The following CES2 variants were observed in gnomAD, a reference collection of about 807,000 sequenced individuals.
CES2 encodes carboxylesterase 2, also known as cocaine esterase.
In CES2, 42 loss-of-function variants were observed where a neutral mutation model predicts 52.1. The observed-to-expected ratio is 0.81, with a 90% confidence interval of 0.63 to 1.04. The LOEUF (loss-of-function observed/expected upper bound fraction) is 1.04. CES2 is among the 50% of genes least tolerant of loss of function. The pLI, the probability that CES2 is intolerant of heterozygous loss-of-function variation, is 0.00. For synonymous variants in CES2, 277 were observed against 289.6 expected (o/e 0.96, Z 0.44); for missense variants, 656 against 724.3 (o/e 0.91, Z 1.08).
In CES2 at chr16:66,939,413, G is replaced by A. The variant is rs370987853; in HGVS notation, c.423+55G>A. 1.5e-3 allele frequency: 2,358 copies of A among 1,588,286 alleles called. 52 individuals are homozygous for A. The South Asian group carries it at 0.024, about 16-fold the overall frequency. Reference sequence around the variant, plus strand: ...TTGGAGGACAGTTCTTCTGCAAGAAGCTGAAAAGGACAATATTAGCTCAGG... The same window carrying A: ...TTGGAGGACAGTTCTTCTGCAAGAAACTGAAAAGGACAATATTAGCTCAGG... On this transcript the variant is annotated intron_variant, in intron 3 of 11. Coordinates refer to ENST00000317091, the MANE Select transcript of CES2 (RefSeq NM_001365405.1).
At position 66,943,420 on chromosome 16, in the gene CES2, C is replaced by T. The variant is rs2145511006; in HGVS notation, c.1493+49C>T. ...AACCTCCCCGATTGGGGGACTTGTG[C>T]CCATCCAGTGCTCTCCTAGTCTGGG... On this transcript the variant is annotated intron_variant, in intron 11 of 11. Coordinates refer to ENST00000317091, the MANE Select transcript of CES2 (RefSeq NM_001365405.1). The surrounding 1 kb of genome is among the most constrained non-coding windows in gnomAD (Gnocchi z 4.2). The T allele has an allele frequency of 1.9e-6, 3 of 1,594,172 alleles. No homozygotes were observed. Among genetic ancestry groups the T allele is most frequent in the Non-Finnish European group, 2.6e-6 (3 of 1,162,612 alleles).
intron 1 of CES2, among the ~76,000 whole-genome samples, chr16:66,936,705 TA>T (rs1376307916): frequency 6.6e-6 from 1 of 152,118 alleles, no homozygotes; most frequent in Non-Finnish European, 1.5e-5. Flanking sequence ...GAAACTCTCC[TA>T]AGTGTATGAT....
At position 66,943,450 on chromosome 16, in the gene CES2, C is replaced by A; in HGVS notation, c.1493+79C>A. 6.8e-7 allele frequency: 1 copy of A among 1,462,746 alleles called. No homozygotes were observed. Among genetic ancestry groups the A allele is most frequent in the Non-Finnish European group, 9.6e-7 (1 of 1,046,928 alleles). 90.6% of individuals were successfully genotyped at this position (1,462,746 alleles called of 1,614,324 possible). A position where few individuals can be genotyped will look rare whatever the true frequency, so the allele number is the denominator to read the frequency against. On this transcript the variant is annotated intron_variant, in intron 11 of 11. Coordinates refer to ENST00000317091, the MANE Select transcript of CES2 (RefSeq NM_001365405.1). This position sits in a 1 kb window ranked among gnomAD's most constrained non-coding sequence, Gnocchi z 4.2. ...CCAGTGCTCTCCTAGTCTGGGGTGACCTCATGAGCACACCCGCATCCTTCA... is the reference window on the plus strand; with the variant it reads ...CCAGTGCTCTCCTAGTCTGGGGTGAACTCATGAGCACACCCGCATCCTTCA...
At chr16:66,936,758 G>A (rs1330612534) in intron 1 of CES2, among the ~76,000 whole-genome samples, 1 of 152,034 alleles carries the variant, frequency 6.6e-6, no homozygotes, top group Non-Finnish European at 1.5e-5. Flanking sequence ...TGCGCAGGTG[G>A]AGTCCATACT....
Position 66,941,703 on chromosome 16 carries a change from G to A in CES2, c.1056+57G>A, listed in dbSNP as rs1434087562. On this transcript the variant is annotated intron_variant, in intron 7 of 11. Transcript: ENST00000317091. Reference sequence around the variant, plus strand: ...GGGAGCCCATCTGGTAGTGGGGGGTGTTCAGGGCTTCATAGCTCCAGGCTC... The same window carrying A: ...GGGAGCCCATCTGGTAGTGGGGGGTATTCAGGGCTTCATAGCTCCAGGCTC... 5.0e-6 allele frequency: 8 copies of A among 1,613,488 alleles called. No individual in the cohort carries two copies. In the Admixed American group the frequency reaches 1.2e-4, roughly 24 times the overall value.
intron 9 of CES2, 173 bp downstream of exon 9, chr16:66,942,422 C>A: frequency 4.7e-6 from 4 of 843,188 alleles, no homozygotes; most frequent in Non-Finnish European, 7.2e-6. Context: ...GACATTTCCC[C>A]CATTTCACAG....
In CES2 at chr16:66,943,529, G is replaced by C; in HGVS notation, c.1493+158G>C. ...GGACCCACTCAGACAGGGTGGGGGTGCGTGGGGCAGTGGACACGCTCTATC... is the reference window on the plus strand; with the variant it reads ...GGACCCACTCAGACAGGGTGGGGGTCCGTGGGGCAGTGGACACGCTCTATC... On this transcript the variant is annotated intron_variant, in intron 11 of 11. Coordinates refer to ENST00000317091, the MANE Select transcript of CES2 (RefSeq NM_001365405.1). This position sits in a 1 kb window ranked among gnomAD's most constrained non-coding sequence, Gnocchi z 4.2. The C allele has an allele frequency of 1.4e-6, 1 of 737,432 alleles. No individual in the cohort carries two copies. Among genetic ancestry groups the C allele is most frequent in the Non-Finnish European group, 2.3e-6 (1 of 443,818 alleles). 45.7% of individuals were successfully genotyped at this position (737,432 alleles called of 1,614,324 possible).
rs1165020981 is a variant in CES2 at position 66,940,305 on chromosome 16, CGTG to C, written c.516_518del (p.Val173del). The C allele has an allele frequency of 6.2e-7, 1 of 1,613,910 alleles. No homozygotes were observed. The highest frequency in any genetic ancestry group is 2.2e-5 in the East Asian group (1 of 44,880). ...GTTCCATGCTGGCTGCCTTGGAGAA[CGTG>C]GTGGTGGTCATCATCCAGTACCGCC... On this transcript the variant is annotated inframe_deletion, in exon 4 of 12. Coordinates refer to ENST00000317091, the MANE Select transcript of CES2 (RefSeq NM_001365405.1).
Position 66,942,183 on chromosome 16 carries a change from C to T in CES2, c.1216C>T (p.Gln406Ter). Reference sequence around the variant, plus strand: ...TGGGGATCCCCAGACCCTCCAAGCGCAGTTCCAGGAGATGATGGCGGACTC... The same window carrying T: ...TGGGGATCCCCAGACCCTCCAAGCGTAGTTCCAGGAGATGATGGCGGACTC... ...DNGDPQTLQA[Q>*]FQEMMADSMF... The change falls in exon 9 of 12, where the codon CAG (glutamine) becomes TAG (stop). Residue 406 changes from glutamine (Q) to a stop codon, truncating the protein, a stop_gained. Coordinates refer to ENST00000317091, the MANE Select transcript of CES2 (RefSeq NM_001365405.1). LOFTEE classifies it high-confidence loss of function. 6.2e-7 allele frequency: 1 copy of T among 1,613,926 alleles called. No homozygotes were observed. The highest frequency in any genetic ancestry group is 1.3e-5 in the African/African-American group (1 of 75,054).
Position 66,944,036 on chromosome 16 carries a change from C to A in CES2, c.*11C>A. On this transcript the variant is annotated 3_prime_UTR_variant, in exon 12 of 12. Transcript: ENST00000317091. ...CACACAGAGCTGTAGCTCCCTGTGC[C>A]GGGGAGGAGGGGGTGGGTTCGCTGA... 4 of 622,798 alleles carry A rather than the reference C, an allele frequency of 6.4e-6. No homozygotes were observed. The highest frequency in any genetic ancestry group is 1.1e-5 in the Non-Finnish European group (4 of 379,506). 38.6% of individuals were successfully genotyped at this position (622,798 alleles called of 1,614,324 possible).
chr16:66,941,688 C>G (rs763107640), intron 7 of CES2, 42 bp downstream of exon 7: 1 of 1,613,144 alleles, frequency 6.2e-7, no homozygotes, highest in Non-Finnish European at 8.5e-7. Context: ...GGGAGCCCAT[C>G]TGGTAGTGGG....
At chr16:66,937,439 C>A (rs1963239920) in intron 1 of CES2, among the ~76,000 whole-genome samples, 2 of 152,114 alleles carry the variant, frequency 1.3e-5, no homozygotes, top group Admixed American at 6.5e-5. Flanking sequence ...ATAAACTCAC[C>A]CACTTTCTGG....
chr16:66,942,134 G>A lies in CES2; in HGVS notation c.1167G>A (p.Leu389=). The A allele has an allele frequency of 1.2e-6, 2 of 1,611,922 alleles. No homozygotes were observed. Among genetic ancestry groups the A allele is most frequent in the Non-Finnish European group, 1.7e-6 (2 of 1,178,296 alleles). Residue 389 remains leucine (L), a synonymous_variant, in exon 9 of 12, where the codon CTG becomes CTA. Coordinates refer to ENST00000317091, the MANE Select transcript of CES2 (RefSeq NM_001365405.1). ...TGCCTCCTACATTTGGTGACCTGCT[G>A]AGGGAGGAGTACATTGGGGACAATG... The part of the protein sequence containing the change: ...LMLPPTFGDL[L]REEYIGDNGD...
At chr16:66,942,604 T>C in intron 9 of CES2, 44 bp from the exon 10 acceptor site, 1 of 1,610,744 alleles carries the variant, frequency 6.2e-7, no homozygotes, top group Non-Finnish European at 8.5e-7. Context: ...GCAAGAAGTC[T>C]TCAGGGGGAG....
rs1466494671 is a variant in CES2, at chr16:66,940,556, G to A, written c.677G>A (p.Gly226Asp). 2 of 1,614,200 alleles carry A rather than the reference G, an allele frequency of 1.2e-6. No individual in the cohort carries two copies. Among genetic ancestry groups the A allele is most frequent in the South Asian group, 1.1e-5 (1 of 91,082 alleles). ...AACCCTGACCGTGTCACCATTTTTG[G>A]CGAGTCTGCGGGTGGCACGAGTGTG... ...GGNPDRVTIFGESAGGTSVSS... is the reference protein window; with the variant it reads ...GGNPDRVTIFDESAGGTSVSS... The change falls in exon 5 of 12, where the codon GGC becomes GAC. Residue 226 changes from glycine to aspartate, a missense_variant. By Grantham distance (94) the Gly-to-Asp change is moderately conservative (BLOSUM62 -1). Transcript: ENST00000317091.
chr16:66,944,220 G>T lies in CES2; in HGVS notation c.*195G>T. ...ATGATGGCCCATACTTGTAATCCCA[G>T]CTATTGGGAAGGATGAGATGGGAGG... On this transcript the variant is annotated 3_prime_UTR_variant, in exon 12 of 12. Coordinates refer to ENST00000317091, the MANE Select transcript of CES2 (RefSeq NM_001365405.1). 1 of 393,398 alleles carries T rather than the reference G, an allele frequency of 2.5e-6. No homozygotes were observed. Among genetic ancestry groups the T allele is most frequent in the Non-Finnish European group, 4.5e-6 (1 of 220,878 alleles). The allele number at this position is 393,398 out of a possible 1,614,324, so 24.4% of individuals were successfully genotyped here.
In CES2 at chr16:66,943,226, C is replaced by T; in HGVS notation, c.1421-73C>T. ...GACTGGGGACCGAGGTCTCGGGGGC[C>T]AAGGACGAGCTCCACCTGGGATGCT... On this transcript the variant is annotated intron_variant, in intron 10 of 11. Coordinates refer to ENST00000317091, the MANE Select transcript of CES2 (RefSeq NM_001365405.1). The surrounding 1 kb of genome is among the most constrained non-coding windows in gnomAD (Gnocchi z 4.2). 1 of 1,524,788 alleles carries T rather than the reference C, an allele frequency of 6.6e-7. No homozygotes were observed. Among genetic ancestry groups the T allele is most frequent in the Non-Finnish European group, 9.0e-7 (1 of 1,106,688 alleles). The allele number at this position is 1,524,788 out of a possible 1,614,324, so 94.5% of individuals were successfully genotyped here. A position where few individuals can be genotyped will look rare whatever the true frequency, so the allele number is the denominator to read the frequency against.
chr16:66,940,273 T>C lies in CES2; in HGVS notation c.475T>C (p.Tyr159His). Reference sequence around the variant, plus strand: ...GCTTGTTTTTGGCATGGCTTCCTTGTATGATGGTTCCATGCTGGCTGCCTT... The same window carrying C: ...GCTTGTTTTTGGCATGGCTTCCTTGCATGATGGTTCCATGCTGGCTGCCTT... ...GALVFGMASLYDGSMLAALEN... is the reference protein window; with the variant it reads ...GALVFGMASLHDGSMLAALEN... The change falls in exon 4 of 12, where the codon TAT becomes CAT. Residue 159 changes from tyrosine to histidine, a missense_variant. Transcript: ENST00000317091. The C allele has an allele frequency of 6.2e-7, 1 of 1,614,056 alleles. No individual in the cohort carries two copies. Among genetic ancestry groups the C allele is most frequent in the Non-Finnish European group, 8.5e-7 (1 of 1,179,988 alleles).
In CES2 at chr16:66,943,828, C is replaced by T; in HGVS notation, c.1494-11C>T. 1.3e-6 allele frequency: 2 copies of T among 1,578,632 alleles called. No homozygotes were observed. The highest frequency in any genetic ancestry group is 1.7e-6 in the Non-Finnish European group (2 of 1,155,632). ...CCCTCATACTGCCCTGCTGGGATGG[C>T]ATGTCTACAGGAACCCCAATGGCGA... On this transcript the variant is annotated splice_polypyrimidine_tract_variant and intron_variant, in intron 11 of 11. Coordinates refer to ENST00000317091, the MANE Select transcript of CES2 (RefSeq NM_001365405.1). This position sits in a 1 kb window ranked among gnomAD's most constrained non-coding sequence, Gnocchi z 4.2.
Sources: allele counts gnomAD v4.1 joint callset (sites outside exome capture counted in the v4.1 genomes callset), GRCh38; gene constraint gnomAD v4.1.1; non-coding constraint Gnocchi (gnomAD v3.1); transcripts MANE v1.5; gene names NCBI Gene and HGNC (gene_info 2026-07-23, HGNC 2026-07-21).